Variants in DRC7 observed in about 807,000 individuals in gnomAD.
The protein encoded by DRC7 is dynein regulatory complex subunit 7, also known as coiled-coil domain containing 135.
DRC7 carries 80 observed loss-of-function variants against 104.4 expected under a neutral mutation model. The observed-to-expected ratio is 0.77, with a 90% CI of 0.64 to 0.92. DRC7 has a LOEUF of 0.92. Ranked by LOEUF, DRC7 falls within the 40% of genes least tolerant of loss-of-function variation. DRC7 has a pLI of 0.00. For missense variants in DRC7, 1,034 were observed against 1,141.1 expected (o/e 0.91, Z 1.35); for synonymous variants, 405 against 447.3 (o/e 0.91, Z 1.19).
chr16:57,725,204 G>A (rs2148769548), intron 13 of DRC7, among the ~76,000 whole-genome samples: 1 of 152,166 alleles, frequency 6.6e-6, no homozygotes. Context: ...CAGGGCAGCA[G>A]GAGAGAGAAT....
rs77398260 is a variant in DRC7 at position 57,714,980 on chromosome 16, A to G, written c.1078-3367A>G. ...TGAAGATGTAGGGCAGGACAGTGACATTTCTATAGTCCCAGATGCACCAAA... is the reference window on the plus strand; with the variant it reads ...TGAAGATGTAGGGCAGGACAGTGACGTTTCTATAGTCCCAGATGCACCAAA... On this transcript the variant is annotated intron_variant, in intron 8 of 18. Transcript: ENST00000360716. 121 of 312,284 alleles carry G rather than the reference A, an allele frequency of 3.9e-4. 2 individuals are homozygous for G. Among genetic ancestry groups the G allele is most frequent in the African/African-American group, 2.5e-3 (111 of 44,340 alleles). 19.3% of individuals were successfully genotyped at this position (312,284 alleles called of 1,614,324 possible).
intron 2 of DRC7, 112 bp from the exon 3 acceptor site, chr16:57,697,801 T>C: frequency 8.2e-6 from 10 of 1,219,660 alleles, no homozygotes; most frequent in Non-Finnish European, 1.1e-5. Context: ...CCCTATGTGT[T>C]CGACACCTCC....
intron 8 of DRC7, chr16:57,714,827 C>T: frequency 2.8e-6 from 1 of 359,068 alleles, no homozygotes; most frequent in Non-Finnish European, 5.4e-6. Context: ...TCTTCCTTCC[C>T]AGTATATACT....
At chr16:57,705,805 TTTCTCCTC>T (rs780828011) in intron 7 of DRC7, among the ~76,000 whole-genome samples, 551 of 63,746 alleles carry the variant, frequency 8.6e-3, no homozygotes, top group African/African-American at 0.014. Context: ...CATCCTCCCA[TTTCTCCTC>T]CCATCCATCC....
At chr16:57,726,684 A>G in intron 14 of DRC7, 148 bp from the exon 15 acceptor site, 1 of 579,942 alleles carries the variant, frequency 1.7e-6, no homozygotes, top group Admixed American at 3.0e-5. Flanking sequence ...CTGTATTTTT[A>G]TAAGTGAGAA....
chr16:57,714,359 G>C (rs8052853), intron 8 of DRC7: 2 of 160,470 alleles, frequency 1.2e-5, no homozygotes, highest in Non-Finnish European at 2.7e-5. Context: ...GGCGGCTTAC[G>C]CCTGTAATCC....
Position 57,695,385 on chromosome 16 carries a change from G to A in DRC7, c.-169+533G>A, listed in dbSNP as rs145205045. 5.0e-3 allele frequency among the ~76,000 whole-genome samples: 755 copies of A among 152,184 alleles called. 6 individuals are homozygous for A. The highest frequency in any genetic ancestry group is 0.017 in the African/African-American group (705 of 41,502). ...TTAAGCAGTGCACTTAACTTCTCTG[G>A]GCCCCAATCTTCTCATCTGCAAAGT... On this transcript the variant is annotated intron_variant, in intron 1 of 18. Coordinates refer to ENST00000360716, the MANE Select transcript of DRC7 (RefSeq NM_001289162.2).
intron 7 of DRC7, among the ~76,000 whole-genome samples, chr16:57,705,954 C>G (rs1316565159): frequency 2.1e-5 from 3 of 146,124 alleles, no homozygotes; most frequent in Non-Finnish European, 3.0e-5. Flanking sequence ...ATCCTCCCAT[C>G]CATCCTTCCA....
rs2048695717 is a variant in DRC7 at position 57,704,923 on chromosome 16, AC to A, written c.753del (p.Arg252GlyfsTer13). The A allele has an allele frequency of 7.4e-6, 12 of 1,613,382 alleles. No homozygotes were observed. The highest frequency in any genetic ancestry group is 9.3e-6 in the Non-Finnish European group (11 of 1,179,824). On this transcript the variant is annotated frameshift_variant, in exon 7 of 19. Transcript: ENST00000360716. LOFTEE classifies it high-confidence loss of function. ...TGCTGCCTAAGAAGTATACCATCAA[AC>A]CCCCCAGGGACCTGTGCAGCAGGTT... ...KVLPKKYTIKPPRDLCSRFEQ... is the reference protein window; with the variant it reads ...KVLPKKYTIKXPRDLCSRFEQ...
chr16:57,698,217 C>A, intron 3 of DRC7, 65 bp downstream of exon 3: 1 of 1,606,426 alleles, frequency 6.2e-7, no homozygotes, highest in Non-Finnish European at 8.5e-7. Context: ...GAGACCCAGG[C>A]AGAGTGCTGG....
intron 14 of DRC7, 55 bp from the exon 15 acceptor site, chr16:57,726,777 C>A: frequency 1.7e-6 from 2 of 1,150,702 alleles, no homozygotes; most frequent in Non-Finnish European, 2.6e-6. Flanking sequence ...CCCAGGTGGT[C>A]CTATGCCCCG....
chr16:57,695,446 A>C (rs1212928357), intron 1 of DRC7, among the ~76,000 whole-genome samples: 1 of 152,180 alleles, frequency 6.6e-6, no homozygotes, highest in East Asian at 1.9e-4. Flanking sequence ...GAGTCAGTAG[A>C]GGATAAGTGA....
chr16:57,708,109 T>A (rs1319571042), intron 8 of DRC7, among the ~76,000 whole-genome samples: 1 of 152,196 alleles, frequency 6.6e-6, no homozygotes, highest in Non-Finnish European at 1.5e-5. Flanking sequence ...AATGTATTTT[T>A]AACTCACGTA....
Position 57,718,431 on chromosome 16 carries a change from G to C in DRC7, c.1162G>C (p.Glu388Gln). ...TDKSQLSLTEEDDSGINDEDD... is the reference protein window; with the variant it reads ...TDKSQLSLTEQDDSGINDEDD... ...TAAGTCTCAGCTGTCCTTGACTGAA[G>C]AAGACGACAGTGGGATAAACGATGA... is the stretch of plus-strand genomic sequence containing the variant. Residue 388 changes from glutamate (E) to glutamine (Q), a missense_variant, in exon 9 of 19, where the codon GAA becomes CAA. Coordinates refer to ENST00000360716, the MANE Select transcript of DRC7 (RefSeq NM_001289162.2). The C allele has an allele frequency of 1.2e-6, 2 of 1,614,152 alleles. No individual in the cohort carries two copies. Among genetic ancestry groups the C allele is most frequent in the Non-Finnish European group, 1.7e-6 (2 of 1,180,002 alleles).
intron 8 of DRC7, 60 bp downstream of exon 8, chr16:57,707,738 A>G: frequency 6.7e-7 from 1 of 1,501,976 alleles, no homozygotes; most frequent in Non-Finnish European, 9.2e-7. Context: ...ATAGGAATAG[A>G]GGGAAGCAAT....
intron 8 of DRC7, among the ~76,000 whole-genome samples, chr16:57,712,087 CT>C (rs1319420616): frequency 2.0e-5 from 3 of 152,150 alleles, no homozygotes; most frequent in African/African-American, 7.2e-5. Flanking sequence ...CTGTTATTGC[CT>C]TTGTTTTAAA....
chr16:57,718,235 G>A, intron 8 of DRC7, 112 bp from the exon 9 acceptor site: 1 of 1,382,026 alleles, frequency 7.2e-7, no homozygotes, highest in Non-Finnish European at 9.9e-7. Flanking sequence ...CCCAAGCCCT[G>A]GGCCCAGGTC....
chr16:57,700,796 G>C (rs192690073), intron 5 of DRC7, among the ~76,000 whole-genome samples: 2 of 152,212 alleles, frequency 1.3e-5, no homozygotes, highest in African/African-American at 4.8e-5. Context: ...TTATCCCCTA[G>C]TGCGCAGGTC....
rs1306261476 is a variant in DRC7, at chr16:57,724,819, A to C, written c.1742A>C (p.Asn581Thr). The C allele has an allele frequency of 6.2e-7, 1 of 1,613,100 alleles. No individual in the cohort carries two copies. Among genetic ancestry groups the C allele is most frequent in the South Asian group, 1.1e-5 (1 of 91,020 alleles). The change falls in exon 13 of 19, where the codon AAC becomes ACC. Residue 581 changes from asparagine to threonine, a missense_variant. Transcript: ENST00000360716. ...KKLTLSSAESNPRPIVKITER... is the reference protein window; with the variant it reads ...KKLTLSSAESTPRPIVKITER... ...CTCACTCTGAGCAGTGCAGAGTCAA[A>C]CCCCCGGCCCATTGTGGTAAGAGCT...
Sources: allele counts gnomAD v4.1 joint callset (sites outside exome capture counted in the v4.1 genomes callset), GRCh38; gene constraint gnomAD v4.1.1; transcripts MANE v1.5; gene names NCBI Gene and HGNC (gene_info 2026-07-23, HGNC 2026-07-21).